Variants in FAM83G observed in about 807,000 individuals in gnomAD.
FAM83G encodes protein FAM83G.
Under a neutral mutation model 61.5 loss-of-function variants are expected in FAM83G, and 38 were observed. That is an observed-to-expected ratio of 0.62 (90% CI 0.48 to 0.81). The LOEUF is 0.81. FAM83G is among the 30% of genes least tolerant of loss of function. The pLI is 0.00. For missense variants in FAM83G, 989 were observed against 1,133.6 expected, an observed-to-expected ratio of 0.87 and a Z score of 1.83; for synonymous variants, 470 against 476.1, an observed-to-expected ratio of 0.99 and a Z score of 0.17.
intron 2 of FAM83G, among the ~76,000 whole-genome samples, chr17:18,993,491 G>A (rs559198009): frequency 2.0e-5 from 3 of 152,146 alleles, no homozygotes; most frequent in Non-Finnish European, 4.4e-5. Context: ...CACCCTCCTA[G>A]GCCTCAGAGA....
In FAM83G at chr17:19,004,208, G is replaced by A. The variant is rs1361558609; in HGVS notation, c.-128-39C>T. ...CTGATGAGCCCGGCTCGGCGGGGAG[G>A]GCGGGCCGCGCGGGGAGGGGCGGCG... On this transcript the variant is annotated intron_variant, in intron 1 of 5. Coordinates refer to ENST00000388995, the MANE Select transcript of FAM83G (RefSeq NM_001039999.3). This position sits in a 1 kb window ranked among gnomAD's most constrained non-coding sequence, Gnocchi z 5.4. 1 of 616,682 alleles carries A rather than the reference G, an allele frequency of 1.6e-6. No individual in the cohort carries two copies. The highest frequency in any genetic ancestry group is 2.6e-6 in the Non-Finnish European group (1 of 377,582). 38.2% of individuals were successfully genotyped at this position (616,682 alleles called of 1,614,324 possible). A position where few individuals can be genotyped will look rare whatever the true frequency, so the allele number is the denominator to read the frequency against.
Position 19,003,470 on chromosome 17 carries a change from G to C in FAM83G, c.522+50C>G. ...TCTGAGTGAGCCTGTATTGAGAGGG[G>C]TCCGGTGGCTGGTTGGGCCATGGCT... is the stretch of plus-strand genomic sequence containing the variant. On this transcript the variant is annotated intron_variant, in intron 2 of 5. Transcript: ENST00000388995. This position sits in a 1 kb window ranked among gnomAD's most constrained non-coding sequence, Gnocchi z 4.5. 7 of 1,498,934 alleles carry C rather than the reference G, an allele frequency of 4.7e-6. No individual in the cohort carries two copies. Among genetic ancestry groups the C allele is most frequent in the Non-Finnish European group, 6.2e-6 (7 of 1,123,752 alleles). The allele number at this position is 1,498,934 out of a possible 1,614,324, so 92.9% of individuals were successfully genotyped here.
intron 2 of FAM83G, among the ~76,000 whole-genome samples, chr17:18,995,315 A>T (rs964716826): frequency 2.0e-5 from 3 of 152,238 alleles, no homozygotes; most frequent in Non-Finnish European, 4.4e-5. Flanking sequence ...ATCGAAATTC[A>T]AGAGGTGAAA....
Position 19,004,262 on chromosome 17 carries a change from T to A in FAM83G, c.-128-93A>T. On this transcript the variant is annotated intron_variant, in intron 1 of 5. Transcript: ENST00000388995. The surrounding 1 kb of genome is among the most constrained non-coding windows in gnomAD (Gnocchi z 5.4). Reference sequence around the variant, plus strand: ...GCGGGGCCGGGAACTCAGGTGGGCGTGGGAAGGACGGGGCTGGGGCTGGGG... The same window carrying A: ...GCGGGGCCGGGAACTCAGGTGGGCGAGGGAAGGACGGGGCTGGGGCTGGGG... 4.4e-6 allele frequency: 2 copies of A among 458,956 alleles called. 1 individual carries two copies. The highest frequency in any genetic ancestry group is 5.5e-5 in the South Asian group (2 of 36,316). 28.4% of individuals were successfully genotyped at this position (458,956 alleles called of 1,614,324 possible).
At chr17:18,983,993 G>A (rs1224353241) in intron 3 of FAM83G, among the ~76,000 whole-genome samples, 2 of 152,148 alleles carry the variant, frequency 1.3e-5, no homozygotes, top group Admixed American at 6.5e-5. Context: ...TACCCCCAAG[G>A]TGGACAGTTA....
At chr17:18,984,899 A>G (rs1440269203) in intron 3 of FAM83G, among the ~76,000 whole-genome samples, 2 of 152,248 alleles carry the variant, frequency 1.3e-5, no homozygotes, top group Non-Finnish European at 2.9e-5. Context: ...GGGGCCGGCC[A>G]GGGCAACCGG....
chr17:19,005,879 GC>G (rs1239106275), upstream of FAM83G, among the ~76,000 whole-genome samples: 1 of 152,188 alleles, frequency 6.6e-6, no homozygotes. Flanking sequence ...TCCTCCTCCT[GC>G]CCCAGGGCCA....
Position 18,978,251 on chromosome 17 carries a change from G to A in FAM83G, c.1415C>T (p.Pro472Leu). Residue 472 changes from proline (P) to leucine (L), a missense_variant, in exon 5 of 6, where the codon CCA (proline) becomes CTA (leucine). Around this residue, in one of 3 missense-constraint regions of FAM83G, gnomAD observed 574 missense variants for 645.1 expected, o/e 0.89. Coordinates refer to ENST00000388995, the MANE Select transcript of FAM83G (RefSeq NM_001039999.3). Reference sequence around the variant, plus strand: ...GGGCTCTGGGGGAGGGCAAGGCTCTGGACGGGGCCTGCTGTCCTGGCTCTG... The same window carrying A: ...GGGCTCTGGGGGAGGGCAAGGCTCTAGACGGGGCCTGCTGTCCTGGCTCTG... ...WKQSQDSRPR[P>L]EPCPPPEPSA... 1 of 1,602,834 alleles carries A rather than the reference G, an allele frequency of 6.2e-7. No homozygotes were observed. Among genetic ancestry groups the A allele is most frequent in the Non-Finnish European group, 8.5e-7 (1 of 1,174,154 alleles).
At position 18,977,616 on chromosome 17, in the gene FAM83G, G is replaced by A. The variant is rs1187682314; in HGVS notation, c.2050C>T (p.Gln684Ter). 5 of 1,609,308 alleles carry A rather than the reference G, an allele frequency of 3.1e-6. No homozygotes were observed. The highest frequency in any genetic ancestry group is 2.2e-5 in the East Asian group (1 of 44,878). The stretch of plus-strand genomic sequence containing the variant: ...TCCTTGTCTGTGGAGCGCTGGGCCT[G>A]CATCCTCTTCAACGCATCTGCTTCT... ...REEADALKRM[Q>*]AQRSTDKEAQ... Residue 684 changes from glutamine to a stop codon, truncating the protein, a stop_gained, in exon 5 of 6, where the codon CAG (glutamine) becomes TAG (stop). Transcript: ENST00000388995. LOFTEE classifies it high-confidence loss of function.
In FAM83G at chr17:18,978,362, T is replaced by C. The variant is rs1414853044; in HGVS notation, c.1304A>G (p.Asn435Ser). Residue 435 changes from asparagine to serine, a missense_variant, in exon 5 of 6, where the codon AAC (asparagine) becomes AGC (serine). By Grantham distance (46) the Asn-to-Ser change is conservative. Coordinates refer to ENST00000388995, the MANE Select transcript of FAM83G (RefSeq NM_001039999.3). ...CTGGCTGGGCTGGGGGTTCCAGATG[T>C]TGGGGTCGATGATATTGATGTAGCC... ...ILGYINIIDP[N>S]IWNPQPSQMN... The C allele has an allele frequency of 1.9e-6, 3 of 1,596,974 alleles. No homozygotes were observed. Among genetic ancestry groups the C allele is most frequent in the Non-Finnish European group, 2.6e-6 (3 of 1,172,146 alleles).
rs1009576800 is a variant in FAM83G at position 19,004,423 on chromosome 17, G to A, written c.-128-254C>T. 7.9e-5 allele frequency among the ~76,000 whole-genome samples: 12 copies of A among 152,292 alleles called. No individual in the cohort carries two copies. The highest frequency in any genetic ancestry group is 4.8e-5 in the African/African-American group (2 of 41,578). ...CAGGGAACCCATATCCCAGATTTCC[G>A]GAGCTGCCTGAAGTCCTCGCAACTT... On this transcript the variant is annotated intron_variant, in intron 1 of 5. Coordinates refer to ENST00000388995, the MANE Select transcript of FAM83G (RefSeq NM_001039999.3). The surrounding 1 kb of genome is among the most constrained non-coding windows in gnomAD (Gnocchi z 5.4).
At position 18,971,521 on chromosome 17, in the gene FAM83G, C is replaced by T. The variant is rs2042852730; in HGVS notation, c.2310G>A (p.Met770Ile). ...SPRLAQNARP[M>I]TDGRATEEHP... ...GCTCCTCGGTGGCCCTGCCATCGGTCATGGGGCGGGCATTTTGGGCCAGTC... is the reference window on the plus strand; with the variant it reads ...GCTCCTCGGTGGCCCTGCCATCGGTTATGGGGCGGGCATTTTGGGCCAGTC... Residue 770 changes from methionine to isoleucine, a missense_variant, in exon 6 of 6, where the codon ATG becomes ATA. Physicochemically the swap from Met to Ile is conservative, Grantham distance 10. Transcript: ENST00000388995. The surrounding 1 kb of genome is among the most constrained non-coding windows in gnomAD (Gnocchi z 5.5). The T allele has an allele frequency of 6.2e-7, 1 of 1,613,976 alleles. No homozygotes were observed. Among genetic ancestry groups the T allele is most frequent in the Admixed American group, 1.7e-5 (1 of 60,024 alleles).
Position 18,977,656 on chromosome 17 carries a change from C to T in FAM83G, c.2010G>A (p.Gln670=). Residue 670 remains glutamine, a synonymous_variant, in exon 5 of 6, where the codon CAG becomes CAA. Coordinates refer to ENST00000388995, the MANE Select transcript of FAM83G (RefSeq NM_001039999.3). ...VGPQGGSPWA[Q]SRGREEADAL... is the part of the protein sequence containing the mutation. ...CATCTGCTTCTTCTCTTCCCCGACT[C>T]TGGGCCCATGGGGAGCCACCCTGGG... The T allele has an allele frequency of 6.2e-7, 1 of 1,610,332 alleles. No homozygotes were observed.
upstream of FAM83G, among the ~76,000 whole-genome samples, chr17:19,005,231 T>C (rs1294239607): frequency 6.6e-6 from 1 of 152,142 alleles, no homozygotes; most frequent in Non-Finnish European, 1.5e-5. Flanking sequence ...CCTGAGCAGA[T>C]ACCCAGTTCT....
intron 5 of FAM83G, chr17:18,976,045 CG>C (rs1567788667): frequency 6.6e-6 from 1 of 151,722 alleles, no homozygotes; most frequent in Non-Finnish European, 1.5e-5. Flanking sequence ...AAAAATTAGC[CG>C]GGCGTGGTGG....
chr17:18,978,900 C>G (rs199927443), intron 4 of FAM83G, 50 bp from the exon 5 acceptor site: 36 of 1,590,826 alleles, frequency 2.3e-5, no homozygotes, highest in Admixed American at 6.8e-5. Context: ...CTGCTTCCTC[C>G]GCCCAGCCCC....
chr17:18,973,381 T>C (rs142271777), intron 5 of FAM83G, among the ~76,000 whole-genome samples: 2 of 151,766 alleles, frequency 1.3e-5, no homozygotes, highest in Non-Finnish European at 2.9e-5. Flanking sequence ...CACAGGGAGG[T>C]GGAGGAGGAA....
intron 3 of FAM83G, among the ~76,000 whole-genome samples, chr17:18,987,668 T>G (rs2043305532): frequency 6.6e-6 from 1 of 152,090 alleles, no homozygotes; most frequent in African/African-American, 2.4e-5. Flanking sequence ...GTTCCATGGT[T>G]TCCCCCACCC....
Position 19,004,115 on chromosome 17 carries a change from G to T in FAM83G, c.-74C>A. The T allele has an allele frequency of 6.9e-7, 1 of 1,441,228 alleles. No individual in the cohort carries two copies. 89.3% of individuals were successfully genotyped at this position (1,441,228 alleles called of 1,614,324 possible). ...AGCTCCTAGCTCCGGCCCAGCTGGG[G>T]CACCGCGCGCTCGGGGGCCTCTCCG... On this transcript the variant is annotated 5_prime_UTR_variant, in exon 2 of 6. An upstream open reading frame in the 5' UTR gains an earlier in-frame stop. Transcript: ENST00000388995. The surrounding 1 kb of genome is among the most constrained non-coding windows in gnomAD (Gnocchi z 5.4).
Sources: gnomAD v4.1 joint callset for allele counts (sites outside exome capture counted in the v4.1 genomes callset) on GRCh38, gnomAD v4.1.1 for gene constraint, gnomAD v4.1.1 regional missense constraint, Gnocchi (gnomAD v3.1) non-coding constraint, MANE v1.5 for transcripts, NCBI Gene and HGNC (gene_info 2026-07-23, HGNC 2026-07-21) for gene names.